DPP10: variants seen among roughly 807,000 people sequenced by gnomAD.
The protein encoded by DPP10 is inactive dipeptidyl peptidase 10.
DPP10 carries 33 observed loss-of-function variants against 120.9 expected under a neutral mutation model. The ratio of observed to expected loss-of-function variants is 0.27; its 90% CI spans 0.21 to 0.37. DPP10 has a LOEUF of 0.37. DPP10 is among the 10% of genes least tolerant of loss of function. DPP10 has a pLI of 1.00. For synonymous variants in DPP10, 337 were observed against 326.1 expected (o/e 1.03, Z -0.36); for missense variants, 816 against 942.8 (o/e 0.87, Z 1.76).
chr2:115,515,319 A>G (rs1161740098), intron 4 of DPP10, among the ~76,000 whole-genome samples: 5 of 152,174 alleles, frequency 3.3e-5, no homozygotes, highest in Middle Eastern at 3.4e-3. Context: ...AAACCCACCA[A>G]TAGTGTATGA....
At chr2:114,852,451 A>G (rs1253957208) in intron 1 of DPP10, among the ~76,000 whole-genome samples, 1 of 152,054 alleles carries the variant, frequency 6.6e-6, no homozygotes, top group Non-Finnish European at 1.5e-5. Flanking sequence ...TTTTCTTGTC[A>G]TTATTCTCTA....
chr2:115,450,173 GC>G (rs1169232310), intron 3 of DPP10, among the ~76,000 whole-genome samples: 1 of 151,928 alleles, frequency 6.6e-6, no homozygotes, highest in African/African-American at 2.4e-5. Flanking sequence ...GCTTAGTCTA[GC>G]CTGTCTTCAG....
chr2:114,946,194 T>C (rs1226874266), intron 1 of DPP10, among the ~76,000 whole-genome samples: 3 of 152,212 alleles, frequency 2.0e-5, no homozygotes, highest in Non-Finnish European at 2.9e-5. Context: ...TGCTAAACAA[T>C]AGCCTATTGA....
chr2:115,706,872 A>C (rs1373556288), intron 7 of DPP10, among the ~76,000 whole-genome samples: 1 of 152,020 alleles, frequency 6.6e-6, no homozygotes, highest in Non-Finnish European at 1.5e-5. Flanking sequence ...TGTGGTCTGC[A>C]TTAATGTCGA....
At chr2:115,829,967 A>C (rs1688752149) in intron 21 of DPP10, among the ~76,000 whole-genome samples, 1 of 152,088 alleles carries the variant, frequency 6.6e-6, no homozygotes, top group Non-Finnish European at 1.5e-5. Context: ...CATTTAATAT[A>C]TAATAATTTT....
At chr2:115,564,122 C>T (rs1228087863) in intron 5 of DPP10, among the ~76,000 whole-genome samples, 1 of 151,800 alleles carries the variant, frequency 6.6e-6, no homozygotes, top group Non-Finnish European at 1.5e-5. Context: ...TTAAAATATG[C>T]CAGCCCTCGA....
intron 1 of DPP10, among the ~76,000 whole-genome samples, chr2:114,554,683 T>C (rs1428319541): frequency 6.6e-6 from 1 of 152,178 alleles, no homozygotes; most frequent in Non-Finnish European, 1.5e-5. Context: ...AGTGGAGACA[T>C]GGCATGTCCT....
intron 1 of DPP10, among the ~76,000 whole-genome samples, chr2:114,909,321 A>G (rs552938740): frequency 1.2e-3 from 190 of 152,122 alleles, no homozygotes; most frequent in African/African-American, 4.5e-3. Flanking sequence ...AATTATTTAA[A>G]ATTCAAGATA....
At chr2:115,011,381 CTAACTG>C (rs1452080958) in intron 1 of DPP10, among the ~76,000 whole-genome samples, 1 of 152,178 alleles carries the variant, frequency 6.6e-6, no homozygotes, top group African/African-American at 2.4e-5. Flanking sequence ...CTTGAAATCT[CTAACTG>C]TAATTGTGGA....
chr2:115,382,149 C>A (rs1421580624), intron 3 of DPP10, among the ~76,000 whole-genome samples: 1 of 152,172 alleles, frequency 6.6e-6, no homozygotes. Context: ...GGGCGCCCCT[C>A]CCCCAGCCTC....
chr2:114,854,720 T>C lies in DPP10; in HGVS notation c.60+411882T>C, dbSNP rs573209571. 6.6e-5 allele frequency among the ~76,000 whole-genome samples: 10 copies of C among 152,324 alleles called. No homozygotes were observed. In the South Asian group the frequency reaches 2.1e-3, roughly 32 times the overall value. On this transcript the variant is annotated intron_variant, in intron 1 of 25. Transcript: ENST00000410059. The stretch of plus-strand genomic sequence containing the variant: ...CTCCAGAATATTGCCATTGAACAAA[T>C]AGTAAAAGAATAGAATTAGGTACTG...
chr2:114,803,610 A>G (rs771545784), intron 1 of DPP10, among the ~76,000 whole-genome samples: 1 of 152,190 alleles, frequency 6.6e-6, no homozygotes, highest in African/African-American at 2.4e-5. Context: ...GACTCTTGTT[A>G]TGTTTTAGCA....
chr2:114,544,396 T>C (rs1168909723), intron 1 of DPP10, among the ~76,000 whole-genome samples: 1 of 152,214 alleles, frequency 6.6e-6, no homozygotes, highest in Non-Finnish European at 1.5e-5. Flanking sequence ...TAATAAAGTA[T>C]GTTTCTTGCC....
At chr2:114,727,530 G>A (rs1676453321) in intron 1 of DPP10, among the ~76,000 whole-genome samples, 2 of 152,140 alleles carry the variant, frequency 1.3e-5, no homozygotes, top group Non-Finnish European at 2.9e-5. Context: ...CTGTTCCTGG[G>A]CCAACATGTT....
intron 1 of DPP10, among the ~76,000 whole-genome samples, chr2:114,640,639 G>A (rs1695637576): frequency 6.6e-6 from 1 of 151,942 alleles, no homozygotes; most frequent in African/African-American, 2.4e-5. Flanking sequence ...CTTCATCAGG[G>A]CAGCCTGCTG....
intron 7 of DPP10, among the ~76,000 whole-genome samples, chr2:115,722,436 G>T (rs116279725): frequency 0.018 from 2,677 of 151,874 alleles, 48 homozygotes; most frequent in Non-Finnish European, 0.028. Flanking sequence ...ACTTGATGGG[G>T]ATATGTTCTG....
At chr2:114,820,324 A>G (rs1025930663) in intron 1 of DPP10, among the ~76,000 whole-genome samples, 2 of 152,184 alleles carry the variant, frequency 1.3e-5, no homozygotes, top group East Asian at 1.9e-4. Context: ...ACTATATGAT[A>G]TCAACATCTA....
intron 1 of DPP10, among the ~76,000 whole-genome samples, chr2:114,825,440 C>G (rs1686441665): frequency 6.6e-6 from 1 of 152,128 alleles, no homozygotes. Flanking sequence ...AACTGGGACC[C>G]AGGGTGTCCA....
At chr2:115,041,723 A>C (rs1274476928) in intron 1 of DPP10, among the ~76,000 whole-genome samples, 1 of 152,178 alleles carries the variant, frequency 6.6e-6, no homozygotes, top group African/African-American at 2.4e-5. Context: ...CAAGAATTTT[A>C]ACAAGAGTTA....
Sources: allele counts gnomAD v4.1 joint callset (sites outside exome capture counted in the v4.1 genomes callset), GRCh38; gene constraint gnomAD v4.1.1; transcripts MANE v1.5; gene names NCBI Gene and HGNC (gene_info 2026-07-23, HGNC 2026-07-21).